The following SORL1 variants were observed in gnomAD, a reference collection of about 807,000 sequenced individuals.
SORL1 encodes the protein sortilin related receptor 1.
In SORL1, 127 loss-of-function variants were observed where a neutral mutation model predicts 273.7. That is an observed-to-expected ratio of 0.46 (90% CI 0.40 to 0.54). SORL1 has a LOEUF of 0.54. Ranked by LOEUF, SORL1 falls within the 20% of genes least tolerant of loss-of-function variation. SORL1 has a pLI of 0.00. For synonymous variants in SORL1, 1,031 were observed against 1,067.4 expected, an observed-to-expected ratio of 0.97 and a Z score of 0.66; for missense variants, 2,494 against 2,846.1, an observed-to-expected ratio of 0.88 and a Z score of 2.81.
chr11:121,603,246 A>G (rs1487728991), intron 32 of SORL1, among the ~76,000 whole-genome samples: 1 of 152,226 alleles, frequency 6.6e-6, no homozygotes, highest in East Asian at 1.9e-4. Flanking sequence ...TTAGACCCTC[A>G]TCACTGGTGG....
At position 121,522,778 on chromosome 11, in the gene SORL1, C is replaced by G. The variant is rs969801467; in HGVS notation, c.1522+75C>G. On this transcript the variant is annotated intron_variant, in intron 10 of 47. Coordinates refer to ENST00000260197, the MANE Select transcript of SORL1 (RefSeq NM_003105.6). ...GCAGGCCAAATGCAGAGCGATCACCCACACCTCCAGCAGTAACCACGCTTT... is the reference window on the plus strand; with the variant it reads ...GCAGGCCAAATGCAGAGCGATCACCGACACCTCCAGCAGTAACCACGCTTT... 4.8e-5 allele frequency: 66 copies of G among 1,380,524 alleles called. 1 individual carries two copies. In the East Asian group the frequency reaches 1.5e-3, roughly 31 times the overall value. The allele number at this position is 1,380,524 out of a possible 1,614,324, so 85.5% of individuals were successfully genotyped here.
intron 35 of SORL1, 131 bp from the exon 36 acceptor site, chr11:121,606,714 A>T: frequency 1.5e-6 from 1 of 674,458 alleles, no homozygotes; most frequent in Non-Finnish European, 2.7e-6. Flanking sequence ...CGACCAAGCT[A>T]GCAGCCTTTC....
intron 16 of SORL1, among the ~76,000 whole-genome samples, chr11:121,552,995 T>C (rs1222830805): frequency 6.6e-6 from 1 of 152,262 alleles, no homozygotes. Context: ...TGGGTCTTCC[T>C]ATTTCCAGTT....
rs776787269 is a variant in SORL1, at chr11:121,622,142, A to G, written c.6065-20A>G. The G allele has an allele frequency of 7.4e-7, 1 of 1,358,466 alleles. No individual in the cohort carries two copies. The highest frequency in any genetic ancestry group is 1.7e-5 in the Admixed American group (1 of 58,926). 84.2% of individuals were successfully genotyped at this position (1,358,466 alleles called of 1,614,324 possible). A position where few individuals can be genotyped will look rare whatever the true frequency, so the allele number is the denominator to read the frequency against. On this transcript the variant is annotated intron_variant, in intron 44 of 47. Coordinates refer to ENST00000260197, the MANE Select transcript of SORL1 (RefSeq NM_003105.6). Reference sequence around the variant, plus strand: ...AATGTATATCCACTAACCGCATCCCATCTCATCTTTAATTTTCAGTTTCAT... The same window carrying G: ...AATGTATATCCACTAACCGCATCCCGTCTCATCTTTAATTTTCAGTTTCAT...
At position 121,561,245 on chromosome 11, in the gene SORL1, C is replaced by T. The variant is rs557615486; in HGVS notation, c.3049+1588C>T. On this transcript the variant is annotated intron_variant, in intron 21 of 47. Coordinates refer to ENST00000260197, the MANE Select transcript of SORL1 (RefSeq NM_003105.6). ...TGTGCAGATGAAGCCAGTGGCTACC[C>T]GGTCACAACTTACTTCCCAGTCTTG... Among the ~76,000 whole-genome samples, 10 of 152,288 alleles carry T rather than the reference C, an allele frequency of 6.6e-5. No homozygotes were observed. In the South Asian group the frequency reaches 1.2e-3, roughly 19 times the overall value.
chr11:121,596,056 A>C lies in SORL1; in HGVS notation c.4519+284A>C, dbSNP rs1026783026. Among the ~76,000 whole-genome samples, 4 of 152,246 alleles carry C rather than the reference A, an allele frequency of 2.6e-5. No individual in the cohort carries two copies. Among genetic ancestry groups the C allele is most frequent in the Admixed American group, 6.5e-5 (1 of 15,288 alleles). On this transcript the variant is annotated intron_variant, in intron 32 of 47. Coordinates refer to ENST00000260197, the MANE Select transcript of SORL1 (RefSeq NM_003105.6). This position sits in a 1 kb window ranked among gnomAD's most constrained non-coding sequence, Gnocchi z 4.3. ...GATAAATATTTTAAATAGGTTTCAT[A>C]AGCATGTTTAACTCTTTAAAAACGC... is the stretch of plus-strand genomic sequence containing the variant.
intron 6 of SORL1, among the ~76,000 whole-genome samples, chr11:121,501,983 T>C (rs1861715262): frequency 6.6e-6 from 1 of 152,164 alleles, no homozygotes; most frequent in African/African-American, 2.4e-5. Context: ...TATTAGTTGG[T>C]GGCCATTTGG....
chr11:121,463,839 A>G (rs1861040567), intron 1 of SORL1, among the ~76,000 whole-genome samples: 1 of 152,208 alleles, frequency 6.6e-6, no homozygotes, highest in Admixed American at 6.5e-5. Context: ...AGCCTGCTAA[A>G]TATAGTGAGA....
chr11:121,611,812 G>A (rs1863567924), intron 39 of SORL1: 1 of 152,324 alleles, frequency 6.6e-6, no homozygotes, highest in East Asian at 1.9e-4. Flanking sequence ...CTGCCATTTA[G>A]TGTCATGACC....
intron 24 of SORL1, among the ~76,000 whole-genome samples, chr11:121,574,578 C>T (rs1030421146): frequency 5.9e-5 from 9 of 152,184 alleles, no homozygotes; most frequent in East Asian, 5.8e-4. Flanking sequence ...GGATTCAGTT[C>T]GCTGGAGACA....
Position 121,608,165 on chromosome 11 carries a change from T to G in SORL1, c.5228T>G (p.Ile1743Arg). 7 of 1,613,178 alleles carry G rather than the reference T, an allele frequency of 4.3e-6. No individual in the cohort carries two copies. The highest frequency in any genetic ancestry group is 5.9e-6 in the Non-Finnish European group (7 of 1,179,182). Residue 1743 changes from isoleucine to arginine, a missense_variant, in exon 38 of 48, where the codon ATA (isoleucine) becomes AGA (arginine). Coordinates refer to ENST00000260197, the MANE Select transcript of SORL1 (RefSeq NM_003105.6). ...NWSDSKSITT[I>R]KGKVIPPPDI... ...AGCGATTCTAAATCCATTACCACCA[T>G]AAAAGGAAAAGGTAAATGATCCCAG...
chr11:121,475,293 A>G (rs576719848), intron 2 of SORL1, among the ~76,000 whole-genome samples: 1 of 88,530 alleles, frequency 1.1e-5, no homozygotes, highest in Non-Finnish European at 2.4e-5. Context: ...AGAAATAACA[A>G]TTATGAAGGT....
intron 8 of SORL1, among the ~76,000 whole-genome samples, chr11:121,519,516 G>A (rs763216941): frequency 5.3e-5 from 8 of 151,782 alleles, no homozygotes; most frequent in South Asian, 2.1e-4. Flanking sequence ...GGTTCATGCC[G>A]TCCATATTCT....
rs184628763 is a variant in SORL1 at position 121,536,464 on chromosome 11, G to A, written c.1685+3912G>A. On this transcript the variant is annotated intron_variant, in intron 12 of 47. Coordinates refer to ENST00000260197, the MANE Select transcript of SORL1 (RefSeq NM_003105.6). ...TTTTTTTTCTGGAGTTCAGTGGTGC[G>A]ATCTCGGCTCACTGCAACCTCCTCT... 1.5e-3 allele frequency among the ~76,000 whole-genome samples: 211 copies of A among 144,888 alleles called. 2 individuals carry two copies. The highest frequency in any genetic ancestry group is 4.8e-3 in the African/African-American group (186 of 38,866).
At chr11:121,586,693 T>TGGGGGGGGG (rs376563096) in intron 27 of SORL1, among the ~76,000 whole-genome samples, 4 of 97,156 alleles carry the variant, frequency 4.1e-5, no homozygotes, top group Non-Finnish European at 8.2e-5. Flanking sequence ...GGGGGTAGAG[T>TGGGGGGGGG]GGGGGGGGGG....
At chr11:121,527,967 T>A (rs771252954) in intron 11 of SORL1, among the ~76,000 whole-genome samples, 2 of 152,154 alleles carry the variant, frequency 1.3e-5, no homozygotes, top group Non-Finnish European at 2.9e-5. Flanking sequence ...TTTTTTTCTT[T>A]ATTATTATTT....
intron 1 of SORL1, among the ~76,000 whole-genome samples, chr11:121,455,731 G>A (rs747866396): frequency 6.6e-6 from 1 of 152,214 alleles, no homozygotes; most frequent in South Asian, 2.1e-4. Flanking sequence ...CAAGGCTCAC[G>A]CCTGTAATCC....
At chr11:121,483,227 G>A (rs1471711459) in intron 3 of SORL1, among the ~76,000 whole-genome samples, 5 of 152,156 alleles carry the variant, frequency 3.3e-5, no homozygotes, top group Non-Finnish European at 5.9e-5. Flanking sequence ...CTGTGACTAC[G>A]GGCCAGCGCC....
chr11:121,494,815 G>C (rs117490146), intron 5 of SORL1, among the ~76,000 whole-genome samples: 1 of 152,072 alleles, frequency 6.6e-6, no homozygotes, highest in Non-Finnish European at 1.5e-5. Flanking sequence ...CTCAATAAAG[G>C]TTCCTTCCTC....
Sources: allele counts gnomAD v4.1 joint callset (sites outside exome capture counted in the v4.1 genomes callset), GRCh38; gene constraint gnomAD v4.1.1; non-coding constraint Gnocchi (gnomAD v3.1); transcripts MANE v1.5; gene names NCBI Gene and HGNC (gene_info 2026-07-23, HGNC 2026-07-21).